The following CERS5 variants were observed in gnomAD, a reference collection of about 807,000 sequenced individuals.
CERS5 encodes LAG1 homolog, ceramide synthase 5.
A neutral mutation model predicts 58.9 loss-of-function variants in CERS5; 37 were observed. The observed-to-expected ratio is 0.63, with a 90% CI of 0.48 to 0.83. The LOEUF is 0.83. Among genes scored for constraint, CERS5 ranks in the 40% least tolerant of loss-of-function variants. The pLI is 0.00. For missense variants in CERS5, 398 were observed against 489.3 expected (o/e 0.81, Z 1.76); for synonymous variants, 147 against 177.8 (o/e 0.83, Z 1.38).
At chr12:50,144,079 G>T in intron 1 of CERS5, 22 bp from the exon 2 acceptor site, 1 of 1,420,188 alleles carries the variant, frequency 7.0e-7, no homozygotes, top group Non-Finnish European at 9.9e-7. Context: ...AAAACCCACG[G>T]GCCAATTCTT....
At chr12:50,133,289 A>G (rs1418663187) in intron 9 of CERS5, 1 of 1,088,310 alleles carries the variant, frequency 9.2e-7, no homozygotes, top group African/African-American at 1.6e-5. Context: ...TGAAATCCCT[A>G]GCCCTTTGAC....
At chr12:50,133,525 C>T in intron 9 of CERS5, 1 of 988,478 alleles carries the variant, frequency 1.0e-6, no homozygotes, top group Non-Finnish European at 1.2e-6. Flanking sequence ...TGTGAACTAC[C>T]ACACACCACT....
At chr12:50,167,003 C>A in intron 1 of CERS5, 98 bp downstream of exon 1, 1 of 1,026,902 alleles carries the variant, frequency 9.7e-7, no homozygotes, top group South Asian at 1.7e-5. Flanking sequence ...TGCTTCCGGG[C>A]TTTCCTTGCA....
chr12:50,148,946 A>ATATATATATATGTG (rs1420401358), intron 1 of CERS5, among the ~76,000 whole-genome samples: 7 of 103,118 alleles, frequency 6.8e-5, no homozygotes, highest in South Asian at 6.6e-4. Context: ...ATATATATAT[A>ATATATATATATGTG]TGTGTGTGTG....
intron 1 of CERS5, among the ~76,000 whole-genome samples, chr12:50,164,474 C>T (rs1939654528): frequency 6.6e-6 from 1 of 151,886 alleles, no homozygotes; most frequent in Admixed American, 6.6e-5. Flanking sequence ...TTATGGAAGA[C>T]CAGAACGGTA....
intron 9 of CERS5, chr12:50,133,757 G>A (rs759681764): frequency 7.1e-6 from 7 of 985,524 alleles, no homozygotes; most frequent in Non-Finnish European, 8.4e-6. Context: ...CTTTCCTCTT[G>A]CGTCTAAGTC....
chr12:50,134,889 T>A (rs1951547119), intron 8 of CERS5, 187 bp from the exon 9 acceptor site: 1 of 572,068 alleles, frequency 1.7e-6, no homozygotes, highest in Non-Finnish European at 3.0e-6. Flanking sequence ...TTTCTATCCT[T>A]AGGGACAGAG....
intron 1 of CERS5, among the ~76,000 whole-genome samples, chr12:50,151,111 C>A (rs1309397324): frequency 6.6e-6 from 1 of 152,050 alleles, no homozygotes; most frequent in Non-Finnish European, 1.5e-5. Context: ...TAAAACAGCC[C>A]TCCCGGTCCC....
chr12:50,156,482 A>C (rs929401839), intron 1 of CERS5, among the ~76,000 whole-genome samples: 1 of 143,470 alleles, frequency 7.0e-6, no homozygotes, highest in African/African-American at 2.6e-5. Context: ...CTCTGGTCCC[A>C]GCTACTGGGA....
chr12:50,143,179 C>CCCT lies in CERS5; in HGVS notation c.326_328dup (p.Glu109dup). ...ATTCCAATCCAGCTGCTTTGACAGG[C>CCCT]CCTCCAGCCTTTTCTTATCAGGATA... is the stretch of plus-strand genomic sequence containing the variant. On this transcript the variant is annotated inframe_insertion, in exon 3 of 10. Coordinates refer to ENST00000317551, the MANE Select transcript of CERS5 (RefSeq NM_147190.5). 6.2e-7 allele frequency: 1 copy of CCCT among 1,614,120 alleles called. No homozygotes were observed. Among genetic ancestry groups the CCCT allele is most frequent in the Non-Finnish European group, 8.5e-7 (1 of 1,180,014 alleles).
intron 1 of CERS5, among the ~76,000 whole-genome samples, chr12:50,155,562 C>T (rs935063584): frequency 6.6e-6 from 1 of 151,008 alleles, no homozygotes; most frequent in African/African-American, 2.4e-5. Flanking sequence ...GGGTGAAACC[C>T]CATTTCTACT....
chr12:50,154,919 C>T (rs570129413), intron 1 of CERS5, among the ~76,000 whole-genome samples: 9 of 152,092 alleles, frequency 5.9e-5, no homozygotes, highest in Admixed American at 2.0e-4. Flanking sequence ...AGTGCAGTGG[C>T]GCTATCTTGG....
chr12:50,140,639 G>A (rs549236271), intron 4 of CERS5, among the ~76,000 whole-genome samples: 20 of 152,076 alleles, frequency 1.3e-4, no homozygotes, highest in Admixed American at 1.2e-3. Flanking sequence ...ATTTAATTCC[G>A]TTATGGTCAG....
At chr12:50,136,248 G>A (rs1429231074) in intron 6 of CERS5, among the ~76,000 whole-genome samples, 179 bp from the exon 7 acceptor site, 7 of 152,104 alleles carry the variant, frequency 4.6e-5, no homozygotes, top group Non-Finnish European at 1.0e-4. Flanking sequence ...CAAGGTGGTC[G>A]GATCACCTGA....
chr12:50,136,966 G>A (rs1951728028), intron 6 of CERS5, among the ~76,000 whole-genome samples: 1 of 152,126 alleles, frequency 6.6e-6, no homozygotes, highest in African/African-American at 2.4e-5. Flanking sequence ...CTGACCATAG[G>A]AGAGTAAAAG....
intron 6 of CERS5, 111 bp downstream of exon 6, chr12:50,137,616 AG>A (rs1951754523): frequency 1.6e-6 from 1 of 620,302 alleles, no homozygotes; most frequent in African/African-American, 1.9e-5. Flanking sequence ...CATCAAACCC[AG>A]TTTCTCCTTT....
chr12:50,154,066 A>C, intron 1 of CERS5: 1 of 237,658 alleles, frequency 4.2e-6, no homozygotes, highest in Non-Finnish European at 8.7e-6. Flanking sequence ...CGTTTAAGAA[A>C]CTGCTACTTG....
At chr12:50,160,444 G>A (rs1939156424) in intron 1 of CERS5, among the ~76,000 whole-genome samples, 1 of 152,134 alleles carries the variant, frequency 6.6e-6, no homozygotes, top group East Asian at 1.9e-4. Flanking sequence ...TGAGAGAATG[G>A]CATTGAGAAG....
In CERS5 at chr12:50,154,656, A is replaced by G. The variant is rs555728242; in HGVS notation, c.198-10599T>C. Among the ~76,000 whole-genome samples, 16 of 152,186 alleles carry G rather than the reference A, an allele frequency of 1.1e-4. 1 individual carries two copies. Among genetic ancestry groups the G allele is most frequent in the South Asian group, 1.0e-3 (5 of 4,816 alleles). On this transcript the variant is annotated intron_variant, in intron 1 of 9. Coordinates refer to ENST00000317551, the MANE Select transcript of CERS5 (RefSeq NM_147190.5). ...ATAATATTTTTCAAAAAGCTTATTTATGTTAACATGTAAATCAATTTATTA... is the reference window on the plus strand; with the variant it reads ...ATAATATTTTTCAAAAAGCTTATTTGTGTTAACATGTAAATCAATTTATTA...
Sources: gnomAD v4.1 joint callset for allele counts (sites outside exome capture counted in the v4.1 genomes callset) on GRCh38, gnomAD v4.1.1 for gene constraint, MANE v1.5 for transcripts, NCBI Gene and HGNC (gene_info 2026-07-23, HGNC 2026-07-21) for gene names.